EYA4: variants seen among roughly 807,000 people sequenced by gnomAD.
The protein encoded by EYA4 is EYA transcriptional coactivator and phosphatase 4, also known as protein phosphatase EYA4.
EYA4 carries 31 observed loss-of-function variants against 87.9 expected under a neutral mutation model. That is an observed-to-expected ratio of 0.35 (90% confidence interval 0.27 to 0.48). The LOEUF (loss-of-function observed/expected upper bound fraction) is 0.48. Ranked by LOEUF, EYA4 falls within the 20% of genes least tolerant of loss-of-function variation. EYA4 has a pLI of 0.99. For missense variants in EYA4, 678 were observed against 761.4 expected (o/e 0.89, Z 1.29); for synonymous variants, 263 against 270.6 (o/e 0.97, Z 0.28).
At chr6:133,282,368 G>A (rs1026705889) in intron 2 of EYA4, among the ~76,000 whole-genome samples, 2 of 152,064 alleles carry the variant, frequency 1.3e-5, no homozygotes, top group Admixed American at 1.3e-4. Flanking sequence ...GTTCATGTTT[G>A]TTGGCCGCTT....
At chr6:133,522,883 C>T in intron 17 of EYA4, among the ~76,000 whole-genome samples, 173 bp from the exon 18 acceptor site, 1 of 152,020 alleles carries the variant, frequency 6.6e-6, no homozygotes. Context: ...TTTGTATATT[C>T]TTCTTAATAA....
chr6:133,529,640 AAAC>A lies in EYA4; in HGVS notation c.*841_*843del, dbSNP rs1247166379. ...AAACTGAGTATTTTTTGCAATAAGA[AAAC>A]AACAATAATAAAGGAAAGCTTGTGT... is the stretch of plus-strand genomic sequence containing the variant. On this transcript the variant is annotated 3_prime_UTR_variant, in exon 20 of 20. Transcript: ENST00000355286. 2 of 985,378 alleles carry A rather than the reference AAAC, an allele frequency of 2.0e-6. No individual in the cohort carries two copies. The highest frequency in any genetic ancestry group is 2.4e-6 in the Non-Finnish European group (2 of 829,692). The allele number at this position is 985,378 out of a possible 1,614,324, so 61.0% of individuals were successfully genotyped here.
chr6:133,513,068 G>A, intron 16 of EYA4, 30 bp downstream of exon 16: 1 of 1,588,652 alleles, frequency 6.3e-7, no homozygotes, highest in Non-Finnish European at 8.6e-7. Flanking sequence ...TCTAACAAAG[G>A]TACTCTGGGT....
chr6:133,386,232 C>T (rs1008366191), intron 3 of EYA4, among the ~76,000 whole-genome samples: 2 of 151,918 alleles, frequency 1.3e-5, no homozygotes, highest in African/African-American at 2.4e-5. Flanking sequence ...ATGTTTTTTT[C>T]TGTCTTCATG....
chr6:133,425,844 C>G (rs1255469124), intron 3 of EYA4, among the ~76,000 whole-genome samples: 4 of 150,744 alleles, frequency 2.7e-5, no homozygotes, highest in Middle Eastern at 3.2e-3. Context: ...GCTTCTACCT[C>G]TCCATTTGCT....
At chr6:133,429,977 G>T (rs1211733220) in intron 3 of EYA4, among the ~76,000 whole-genome samples, 1 of 151,470 alleles carries the variant, frequency 6.6e-6, no homozygotes, top group East Asian at 1.9e-4. Context: ...CCCAGATTGT[G>T]AACACAGCAC....
At chr6:133,373,389 C>G (rs2128466827) in intron 2 of EYA4, among the ~76,000 whole-genome samples, 2 of 152,054 alleles carry the variant, frequency 1.3e-5, no homozygotes, top group Middle Eastern at 6.8e-3. Context: ...CAAATTTTCT[C>G]TATTTAGGGG....
chr6:133,322,304 A>T (rs1252085743), intron 2 of EYA4, among the ~76,000 whole-genome samples: 1 of 152,240 alleles, frequency 6.6e-6, no homozygotes, highest in Non-Finnish European at 1.5e-5. Context: ...AGAATTGTGT[A>T]GTCGTTGTGC....
intron 2 of EYA4, among the ~76,000 whole-genome samples, chr6:133,313,520 G>T (rs1329156149): frequency 6.6e-6 from 1 of 152,070 alleles, no homozygotes; most frequent in African/African-American, 2.4e-5. Flanking sequence ...TTTTCTAGGA[G>T]AAAATAGATT....
intron 3 of EYA4, among the ~76,000 whole-genome samples, chr6:133,428,125 G>T (rs1477889035): frequency 6.6e-6 from 1 of 152,160 alleles, no homozygotes; most frequent in East Asian, 1.9e-4. Context: ...TGATGGGGTT[G>T]GTTGTGGACA....
chr6:133,272,564 G>C (rs1004073951), intron 1 of EYA4, among the ~76,000 whole-genome samples: 4 of 152,100 alleles, frequency 2.6e-5, no homozygotes, highest in Admixed American at 1.3e-4. Context: ...CCCAGTAATG[G>C]GCCAAGAGCT....
At chr6:133,498,706 G>T (rs3777874) in intron 13 of EYA4, among the ~76,000 whole-genome samples, 4,515 of 149,916 alleles carry the variant, frequency 0.03, 254 homozygotes, top group East Asian at 0.18. Context: ...GTAAGTTTGT[G>T]TGTGCATGTG....
intron 2 of EYA4, among the ~76,000 whole-genome samples, chr6:133,300,688 G>A (rs145291851): frequency 2.0e-5 from 3 of 151,998 alleles, no homozygotes; most frequent in East Asian, 1.9e-4. Context: ...CTAATTTTTC[G>A]TATTTTAGTA....
At chr6:133,363,685 C>T (rs572360227) in intron 2 of EYA4, among the ~76,000 whole-genome samples, 145 of 152,186 alleles carry the variant, frequency 9.5e-4, no homozygotes, top group African/African-American at 3.2e-3. Flanking sequence ...CTGTGTTAGC[C>T]AGGATGGTCT....
chr6:133,332,020 G>A (rs968179200), intron 2 of EYA4, among the ~76,000 whole-genome samples: 7 of 152,224 alleles, frequency 4.6e-5, no homozygotes, highest in African/African-American at 1.7e-4. Context: ...TAAGGAGACG[G>A]CAAATCAGTG....
rs1339141341 is a variant in EYA4, at chr6:133,462,365, A to T, written c.468A>T (p.Ala156=). The change falls in exon 8 of 20, where the codon GCA becomes GCT. Residue 156 remains alanine (A), a synonymous_variant. Transcript: ENST00000355286. ...KPYPHILSTP[A]AQTMSAYAGQ... The stretch of plus-strand genomic sequence containing the variant: ...ATCCACACATTCTTTCTACACCAGC[A>T]GCTCAAACAATGTCTGCCTATGCAG... 1.9e-6 allele frequency: 3 copies of T among 1,613,974 alleles called. No homozygotes were observed. Among genetic ancestry groups the T allele is most frequent in the Non-Finnish European group, 2.5e-6 (3 of 1,179,946 alleles).
chr6:133,366,658 G>GT (rs1245343395), intron 2 of EYA4, among the ~76,000 whole-genome samples: 1 of 152,198 alleles, frequency 6.6e-6, no homozygotes, highest in Non-Finnish European at 1.5e-5. Flanking sequence ...TTTCTACGTG[G>GT]TATTTGTTAT....
intron 2 of EYA4, among the ~76,000 whole-genome samples, chr6:133,343,682 C>A (rs2128411610): frequency 6.6e-6 from 1 of 151,624 alleles, no homozygotes; most frequent in South Asian, 2.1e-4. Context: ...AAATAACACA[C>A]CACATTACTA....
chr6:133,375,511 A>G, intron 2 of EYA4, among the ~76,000 whole-genome samples: 1 of 151,928 alleles, frequency 6.6e-6, no homozygotes, highest in East Asian at 1.9e-4. Flanking sequence ...TTCCTGAGGT[A>G]TGTAATAGGA....
Sources: allele counts gnomAD v4.1 joint callset (sites outside exome capture counted in the v4.1 genomes callset), GRCh38; gene constraint gnomAD v4.1.1; transcripts MANE v1.5; gene names NCBI Gene and HGNC (gene_info 2026-07-23, HGNC 2026-07-21).